The following SPTBN1 variants were observed in gnomAD, a reference collection of about 807,000 sequenced individuals.
SPTBN1 encodes spectrin beta, non-erythrocytic 1, also known as spectrin beta chain, non-erythrocytic 1.
In SPTBN1, 32 loss-of-function variants were observed where a neutral mutation model predicts 266.4. That is an observed-to-expected ratio of 0.12 (90% CI 0.09 to 0.16). The LOEUF (loss-of-function observed/expected upper bound fraction) is 0.16, where lower values mean the gene tolerates loss of function less well. SPTBN1 is among the 10% of genes least tolerant of loss of function. SPTBN1 has a pLI of 1.00. For synonymous variants in SPTBN1, 1,336 were observed against 1,162.2 expected, an observed-to-expected ratio of 1.15 and a Z score of -3.04; for missense variants, 2,296 against 3,067.1, an observed-to-expected ratio of 0.75 and a Z score of 5.94.
rs993935693 is a variant in SPTBN1 at position 54,626,751 on chromosome 2, C to T, written c.1644+517C>T. Among the ~76,000 whole-genome samples, 2 of 152,200 alleles carry T rather than the reference C, an allele frequency of 1.3e-5. No individual in the cohort carries two copies. Among genetic ancestry groups the T allele is most frequent in the African/African-American group, 4.8e-5 (2 of 41,444 alleles). On this transcript the variant is annotated intron_variant, in intron 12 of 35. Transcript: ENST00000356805. This position sits in a 1 kb window ranked among gnomAD's most constrained non-coding sequence, Gnocchi z 4.7. ...GGTCTTTAAATGGAGATTGTACTTA[C>T]TATCTACCTCATCCAATTATTGCAA... is the stretch of plus-strand genomic sequence containing the variant.
intron 2 of SPTBN1, among the ~76,000 whole-genome samples, chr2:54,579,013 A>T (rs1320640985): frequency 1.3e-5 from 2 of 152,126 alleles, no homozygotes; most frequent in East Asian, 3.8e-4. Context: ...TGCTATAGAG[A>T]AGCCCTCTGG....
Position 54,646,025 on chromosome 2 carries a change from T to A in SPTBN1, c.4584+8T>A. On this transcript the variant is annotated splice_region_variant and intron_variant, in intron 22 of 35. Coordinates refer to ENST00000356805, the MANE Select transcript of SPTBN1 (RefSeq NM_003128.3). This position sits in a 1 kb window ranked among gnomAD's most constrained non-coding sequence, Gnocchi z 4.4. ...TTAATAAAGAAAAATCAGGTAAGCCTTTCTGCTCGAGCTAGTTCTGTCTGA... is the reference window on the plus strand; with the variant it reads ...TTAATAAAGAAAAATCAGGTAAGCCATTCTGCTCGAGCTAGTTCTGTCTGA... The A allele has an allele frequency of 6.2e-7, 1 of 1,614,208 alleles. No individual in the cohort carries two copies. Among genetic ancestry groups the A allele is most frequent in the Non-Finnish European group, 8.5e-7 (1 of 1,180,042 alleles).
At chr2:54,485,183 T>C (rs1668292973) in intron 1 of SPTBN1, among the ~76,000 whole-genome samples, 1 of 151,830 alleles carries the variant, frequency 6.6e-6, no homozygotes. Flanking sequence ...CGTCTCCCTC[T>C]CCGTCTCCCT....
Position 54,558,188 on chromosome 2 carries a change from T to A in SPTBN1, c.148+31622T>A. The A allele has an allele frequency of 1.0e-6, 1 of 985,338 alleles. No individual in the cohort carries two copies. The allele number at this position is 985,338 out of a possible 1,614,324, so 61.0% of individuals were successfully genotyped here. A position where few individuals can be genotyped will look rare whatever the true frequency, so the allele number is the denominator to read the frequency against. On this transcript the variant is annotated intron_variant, in intron 2 of 35. Transcript: ENST00000356805. This position sits in a 1 kb window ranked among gnomAD's most constrained non-coding sequence, Gnocchi z 4.6. ...CAGGGCCCGGCCGGGGGTCGGCGGC[T>A]GCCGGGCGGCTGGGGCGACCGCGGA...
At chr2:54,661,795 C>T (rs1681065538) in intron 32 of SPTBN1, 31 of 985,210 alleles carry the variant, frequency 3.1e-5, no homozygotes, top group Non-Finnish European at 3.7e-5. Context: ...CAATTTGACA[C>T]TTTTTGTATC....
Position 54,631,119 on chromosome 2 carries a change from C to T in SPTBN1, c.3072C>T (p.Ser1024=), listed in dbSNP as rs1678702298. 10 of 1,614,144 alleles carry T rather than the reference C, an allele frequency of 6.2e-6. No individual in the cohort carries two copies. The highest frequency in any genetic ancestry group is 4.5e-5 in the East Asian group (2 of 44,874). ...AGAAGGAGGCGGAGAAGCTGGAGTC[C>T]GAGCACCCCGACCAGGCCCAGGCCA... is the stretch of plus-strand genomic sequence containing the variant. The part of the protein sequence containing the change: ...DLQKEAEKLE[S]EHPDQAQAIL... Residue 1024 remains serine (S), a synonymous_variant, in exon 16 of 36, where the codon TCC becomes TCT. Transcript: ENST00000356805.
At chr2:54,474,382 G>T (rs1015395794) in intron 1 of SPTBN1, among the ~76,000 whole-genome samples, 14 of 150,638 alleles carry the variant, frequency 9.3e-5, no homozygotes, top group Non-Finnish European at 1.6e-4. Context: ...CCGTGGAGCT[G>T]TGGTGCCTGG....
chr2:54,471,800 ATTTTTTTTT>A (rs56043354), intron 1 of SPTBN1, among the ~76,000 whole-genome samples: 1 of 102,718 alleles, frequency 9.7e-6, no homozygotes, highest in Non-Finnish European at 1.9e-5. Context: ...TTTTTTATCG[ATTTTTTTTT>A]TTTTTTTTTT....
At chr2:54,590,136 G>A (rs1442568524) in intron 2 of SPTBN1, among the ~76,000 whole-genome samples, 6 of 152,208 alleles carry the variant, frequency 3.9e-5, no homozygotes, top group Non-Finnish European at 8.8e-5. Flanking sequence ...ACAAAAAACA[G>A]AATTTGTCAA....
chr2:54,464,464 A>T (rs950162719), intron 1 of SPTBN1, among the ~76,000 whole-genome samples: 5 of 152,198 alleles, frequency 3.3e-5, no homozygotes, highest in Admixed American at 2.0e-4. Context: ...TGTATTAAGT[A>T]AAAGACTGGA....
intron 1 of SPTBN1, among the ~76,000 whole-genome samples, chr2:54,490,946 T>TG (rs1285294316): frequency 6.6e-6 from 1 of 152,116 alleles, no homozygotes; most frequent in Non-Finnish European, 1.5e-5. Flanking sequence ...CAAAAACTCT[T>TG]GCATGCCTTG....
intron 1 of SPTBN1, among the ~76,000 whole-genome samples, chr2:54,511,910 T>C (rs1669875365): frequency 6.6e-6 from 1 of 152,170 alleles, no homozygotes; most frequent in South Asian, 2.1e-4. Flanking sequence ...CTCACCATGA[T>C]ATAGAATCAG....
chr2:54,645,771 G>A lies in SPTBN1; in HGVS notation c.4495-157G>A, dbSNP rs929327218. The stretch of plus-strand genomic sequence containing the variant: ...GAAAGACTCTCCCTAGCCCTGTCTC[G>A]GAGAACAAGGGCGTGCTTCCCCAGA... On this transcript the variant is annotated intron_variant, in intron 21 of 35. Transcript: ENST00000356805. This position sits in a 1 kb window ranked among gnomAD's most constrained non-coding sequence, Gnocchi z 4.3. Among the ~76,000 whole-genome samples the A allele has an allele frequency of 2.1e-4, 32 of 152,198 alleles. No homozygotes were observed. The highest frequency in any genetic ancestry group is 1.8e-3 in the Admixed American group (27 of 15,282).
rs1406207792 is a variant in SPTBN1, at chr2:54,618,186, C to T, written c.756C>T (p.Asp252=). The change falls in exon 7 of 36, where the codon GAC becomes GAT. Residue 252 remains aspartate, a synonymous_variant. Coordinates refer to ENST00000356805, the MANE Select transcript of SPTBN1 (RefSeq NM_003128.3). ...EQHLGLTKLL[D]PEDISVDHPD... is the part of the protein sequence containing the mutation. ...ACCTCGGCCTCACTAAACTGTTGGACCCCGAAGGTAGGGACTCAAGGGATT... is the reference window on the plus strand; with the variant it reads ...ACCTCGGCCTCACTAAACTGTTGGATCCCGAAGGTAGGGACTCAAGGGATT... 1.2e-6 allele frequency: 2 copies of T among 1,613,732 alleles called. No homozygotes were observed. The highest frequency in any genetic ancestry group is 8.5e-7 in the Non-Finnish European group (1 of 1,179,802).
intron 2 of SPTBN1, among the ~76,000 whole-genome samples, chr2:54,576,072 TGAGA>T (rs869264811): frequency 3.5e-5 from 4 of 113,348 alleles, no homozygotes; most frequent in African/African-American, 7.1e-5. Context: ...TTTTTTTTTT[TGAGA>T]GACAGTCTGG....
rs957647482 is a variant in SPTBN1, at chr2:54,649,772, G to T, written c.5360G>T (p.Trp1787Leu). Residue 1787 changes from tryptophan (W) to leucine (L), a missense_variant, in exon 26 of 36, where the codon TGG (tryptophan) becomes TTG (leucine). Trp to Leu is a moderately conservative substitution (Grantham distance 61, BLOSUM62 -2). Coordinates refer to ENST00000356805, the MANE Select transcript of SPTBN1 (RefSeq NM_003128.3). This position sits in a 1 kb window ranked among gnomAD's most constrained non-coding sequence, Gnocchi z 6.7. Reference protein sequence around the residue: ...AEWKDGLNEAWADLLELIDTR... With the variant: ...AEWKDGLNEALADLLELIDTR... ...TGGAAGGATGGCCTCAATGAAGCCT[G>T]GGCCGACCTCCTGGAGCTCATTGAC... 6.2e-7 allele frequency: 1 copy of T among 1,614,160 alleles called. No individual in the cohort carries two copies. The highest frequency in any genetic ancestry group is 8.5e-7 in the Non-Finnish European group (1 of 1,180,028).
At chr2:54,546,029 C>T (rs1283056420) in intron 2 of SPTBN1, among the ~76,000 whole-genome samples, 1 of 152,152 alleles carries the variant, frequency 6.6e-6, no homozygotes, top group African/African-American at 2.4e-5. Flanking sequence ...ATGTTTTATG[C>T]TTGATGAGTC....
chr2:54,504,512 C>T (rs1558786421), intron 1 of SPTBN1, among the ~76,000 whole-genome samples: 2 of 152,116 alleles, frequency 1.3e-5, no homozygotes, highest in Non-Finnish European at 2.9e-5. Flanking sequence ...AGCAGAAGCA[C>T]GATTTGCTGC....
In SPTBN1 at chr2:54,629,555, C is replaced by T. The variant is rs1678588324; in HGVS notation, c.2421C>T (p.Ala807=). Residue 807 remains alanine, a synonymous_variant, in exon 14 of 36, where the codon GCC becomes GCT. Coordinates refer to ENST00000356805, the MANE Select transcript of SPTBN1 (RefSeq NM_003128.3). The part of the protein sequence containing the change: ...RPTLDTLHEQ[A]SALPQEHAES... ...CCCTTGACACGCTGCACGAACAAGCCAGCGCCCTCCCCCAGGAGCATGCCG... is the reference window on the plus strand; with the variant it reads ...CCCTTGACACGCTGCACGAACAAGCTAGCGCCCTCCCCCAGGAGCATGCCG... 6.2e-7 allele frequency: 1 copy of T among 1,614,134 alleles called. No individual in the cohort carries two copies. Among genetic ancestry groups the T allele is most frequent in the Middle Eastern group, 1.6e-4 (1 of 6,062 alleles).
Sources: gnomAD v4.1 joint callset for allele counts (sites outside exome capture counted in the v4.1 genomes callset) on GRCh38, gnomAD v4.1.1 for gene constraint, Gnocchi (gnomAD v3.1) non-coding constraint, MANE v1.5 for transcripts, NCBI Gene and HGNC (gene_info 2026-07-23, HGNC 2026-07-21) for gene names.